Variants in TCF20 observed in about 807,000 individuals in gnomAD.
TCF20 encodes transcription factor 20.
TCF20 carries 3 observed loss-of-function variants against 148.6 expected under a neutral mutation model. That is an observed-to-expected ratio of 0.02 (90% CI 0.01 to 0.05). TCF20 has a LOEUF of 0.05. Among genes scored for constraint, TCF20 ranks in the 10% least tolerant of loss-of-function variants. TCF20 has a pLI of 1.00. For synonymous variants in TCF20, 1,049 were observed against 909.5 expected, an observed-to-expected ratio of 1.15 and a Z score of -2.76; for missense variants, 2,350 against 2,429.3, an observed-to-expected ratio of 0.97 and a Z score of 0.69.
chr22:42,339,564 G>A (rs929559938), intron 1 of TCF20, among the ~76,000 whole-genome samples: 1 of 152,160 alleles, frequency 6.6e-6, no homozygotes. Flanking sequence ...CACAAAAACG[G>A]CGCTCACTCT....
intron 2 of TCF20, among the ~76,000 whole-genome samples, chr22:42,180,264 G>A (rs901199788): frequency 4.3e-4 from 66 of 152,168 alleles, no homozygotes; most frequent in African/African-American, 1.6e-3. Context: ...CAGAAAATAT[G>A]GGCTCCTGTG....
chr22:42,256,042 C>G (rs957171255), intron 1 of TCF20, among the ~76,000 whole-genome samples: 9 of 152,226 alleles, frequency 5.9e-5, no homozygotes, highest in East Asian at 5.8e-4. Context: ...GCTCTTTCTC[C>G]ACTCTTCCAC....
chr22:42,251,492 C>CTTTTTTTTTT lies in TCF20; in HGVS notation c.-37+18837_-37+18846dup, dbSNP rs71184878. Among the ~76,000 whole-genome samples, 18 of 47,026 alleles carry CTTTTTTTTTT rather than the reference C, an allele frequency of 3.8e-4. 6 individuals are homozygous for CTTTTTTTTTT. The highest frequency in any genetic ancestry group is 1.5e-3 in the African/African-American group (17 of 11,118). 30.9% of individuals were successfully genotyped at this position (47,026 alleles called of 152,430 possible). A position where few individuals can be genotyped will look rare whatever the true frequency, so the allele number is the denominator to read the frequency against. ...ACTCTGTACCTGGCCAAACAAGTGT[C>CTTTTTTTTTT]TTTTTTTTTTTTTTTTTTTTTTTTT... On this transcript the variant is annotated intron_variant, in intron 1 of 5. Coordinates refer to ENST00000677622, the MANE Select transcript of TCF20 (RefSeq NM_001378418.1).
rs1927304354 is a variant in TCF20, at chr22:42,299,953, A to C, written c.-37+43526T>G. Among the ~76,000 whole-genome samples, 1 of 81,422 alleles carries C rather than the reference A, an allele frequency of 1.2e-5. No homozygotes were observed. The highest frequency in any genetic ancestry group is 2.3e-5 in the Non-Finnish European group (1 of 44,042). The allele number at this position is 81,422 out of a possible 152,430, so 53.4% of individuals were successfully genotyped here. On this transcript the variant is annotated intron_variant, in intron 1 of 1. Transcript: ENST00000515426. The surrounding 1 kb of genome is among the most constrained non-coding windows in gnomAD (Gnocchi z 4.1). ...CAGAGGAAGAAAGGAGAGGAGGGGA[A>C]GGAAGGGCGGGGAGGGGGAGGGGGA... is the stretch of plus-strand genomic sequence containing the variant.
At chr22:42,241,545 C>A (rs1487516059) in intron 1 of TCF20, among the ~76,000 whole-genome samples, 6 of 152,146 alleles carry the variant, frequency 3.9e-5, no homozygotes, top group Admixed American at 3.9e-4. Context: ...GCAGATTAAT[C>A]GGCTGGCGCG....
intron 1 of TCF20, among the ~76,000 whole-genome samples, chr22:42,326,545 C>T (rs1230480595): frequency 6.6e-6 from 1 of 152,192 alleles, no homozygotes; most frequent in Non-Finnish European, 1.5e-5. Context: ...CATTTGTGCC[C>T]AGCTGACAGA....
intron 2 of TCF20, among the ~76,000 whole-genome samples, chr22:42,187,697 A>G (rs1937112749): frequency 6.6e-6 from 1 of 152,188 alleles, no homozygotes; most frequent in Non-Finnish European, 1.5e-5. Context: ...TAAAGTTATG[A>G]TGTTTTCCAT....
chr22:42,278,678 C>G (rs1044367164), intron 1 of TCF20: 1 of 152,234 alleles, frequency 6.6e-6, no homozygotes, highest in Non-Finnish European at 1.5e-5. Flanking sequence ...TTCAAGAGGC[C>G]GACAACAGAG....
At chr22:42,262,316 TATC>T (rs1926072081) in intron 1 of TCF20, among the ~76,000 whole-genome samples, 1 of 152,182 alleles carries the variant, frequency 6.6e-6, no homozygotes, top group Admixed American at 6.5e-5. Flanking sequence ...TGAAAGAAGT[TATC>T]ATCTTATGGA....
chr22:42,317,982 A>T lies in TCF20; in HGVS notation c.-37+25497T>A, dbSNP rs1436544498. Among the ~76,000 whole-genome samples, 1 of 151,996 alleles carries T rather than the reference A, an allele frequency of 6.6e-6. No individual in the cohort carries two copies. Among genetic ancestry groups the T allele is most frequent in the Non-Finnish European group, 1.5e-5 (1 of 67,976 alleles). ...AGAGCCCTATGGGGCAGGCAGGCCC[A>T]GGCCCAGACAAGCCCCTGCACAGGG... On this transcript the variant is annotated intron_variant, in intron 1 of 1. Transcript: ENST00000515426. The surrounding 1 kb of genome is among the most constrained non-coding windows in gnomAD (Gnocchi z 4.2).
intron 1 of TCF20, among the ~76,000 whole-genome samples, chr22:42,241,239 ATTTCT>A (rs1924374511): frequency 6.6e-6 from 1 of 152,168 alleles, no homozygotes; most frequent in Admixed American, 6.5e-5. Flanking sequence ...GCCTCTAATT[ATTTCT>A]ATAAACAATT....
At chr22:42,181,005 A>G (rs1376666184) in intron 2 of TCF20, among the ~76,000 whole-genome samples, 2 of 152,188 alleles carry the variant, frequency 1.3e-5, no homozygotes, top group Non-Finnish European at 2.9e-5. Flanking sequence ...CACCCTTGTT[A>G]AGAGAGAAAA....
chr22:42,232,325 GAAC>G (rs893378389), intron 1 of TCF20, among the ~76,000 whole-genome samples: 8 of 151,756 alleles, frequency 5.3e-5, no homozygotes, highest in African/African-American at 9.7e-5. Flanking sequence ...TAAGATGTTA[GAAC>G]AACGACAAAA....
At chr22:42,254,076 CAAAAAAAAAAAAA>C (rs528387021) in intron 1 of TCF20, among the ~76,000 whole-genome samples, 18 of 53,592 alleles carry the variant, frequency 3.4e-4, no homozygotes, top group South Asian at 8.3e-4. Context: ...AACTCCCTTT[CAAAAAAAAAAAAA>C]AAAAAAAAAA....
chr22:42,238,358 C>A (rs1328067083), intron 1 of TCF20, among the ~76,000 whole-genome samples: 1 of 152,182 alleles, frequency 6.6e-6, no homozygotes, highest in African/African-American at 2.4e-5. Flanking sequence ...GGGAATGTTG[C>A]GGCTGGTTGA....
chr22:42,175,014 A>G (rs1428459292), intron 3 of TCF20, among the ~76,000 whole-genome samples: 4 of 151,804 alleles, frequency 2.6e-5, no homozygotes, highest in African/African-American at 4.8e-5. Context: ...CAGTCGGGGC[A>G]ACACAGCGAG....
intron 2 of TCF20, among the ~76,000 whole-genome samples, chr22:42,180,544 T>G (rs757476518): frequency 6.6e-6 from 1 of 152,172 alleles, no homozygotes; most frequent in African/African-American, 2.4e-5. Context: ...GCTCTTCAGA[T>G]AGCAGAGGCA....
chr22:42,310,623 G>A (rs564898067), intron 1 of TCF20, among the ~76,000 whole-genome samples: 251 of 150,466 alleles, frequency 1.7e-3, no homozygotes, highest in African/African-American at 5.6e-3. Context: ...AGCCCGCATG[G>A]CTGGAATACA....
At chr22:42,311,351 G>A (rs1293268982) in intron 1 of TCF20, among the ~76,000 whole-genome samples, 1 of 152,256 alleles carries the variant, frequency 6.6e-6, no homozygotes, top group East Asian at 1.9e-4. Context: ...GCACTGAATG[G>A]TGTGTCATAG....
Sources: gnomAD v4.1 joint callset for allele counts (sites outside exome capture counted in the v4.1 genomes callset) on GRCh38, gnomAD v4.1.1 for gene constraint, Gnocchi (gnomAD v3.1) non-coding constraint, MANE v1.5 for transcripts, NCBI Gene and HGNC (gene_info 2026-07-23, HGNC 2026-07-21) for gene names.